DNER: variants seen among roughly 807,000 people sequenced by gnomAD.
DNER encodes delta/notch like EGF repeat containing.
In DNER, 33 loss-of-function variants were observed where a neutral mutation model predicts 78.2. That is an observed-to-expected ratio of 0.42 (90% confidence interval 0.32 to 0.56). The LOEUF is 0.56. Among genes scored for constraint, DNER ranks in the 20% least tolerant of loss-of-function variants. The probability of loss-of-function intolerance (pLI) is 0.11; values close to 1 mark genes in which losing one functional copy is unlikely to be tolerated. For missense variants in DNER, 918 were observed against 975.3 expected (o/e 0.94, Z 0.78); for synonymous variants, 417 against 384.8 (o/e 1.08, Z -0.98).
At chr2:229,607,224 C>A (rs980353818) in intron 1 of DNER, among the ~76,000 whole-genome samples, 1 of 152,124 alleles carries the variant, frequency 6.6e-6, no homozygotes. Context: ...AATTAACTGA[C>A]CTGATTAAAC....
chr2:229,434,952 G>GCACA (rs373238849), intron 8 of DNER, among the ~76,000 whole-genome samples: 2 of 145,076 alleles, frequency 1.4e-5, no homozygotes, highest in East Asian at 2.0e-4. Context: ...ACACACACGT[G>GCACA]CACACACACA....
intron 4 of DNER, among the ~76,000 whole-genome samples, chr2:229,549,340 C>G (rs925655989): frequency 2.6e-5 from 4 of 152,202 alleles, no homozygotes; most frequent in African/African-American, 9.7e-5. Context: ...GAGTCTCACT[C>G]TGTTGCCCAG....
intron 7 of DNER, among the ~76,000 whole-genome samples, chr2:229,458,815 A>T (rs1410414615): frequency 6.6e-6 from 1 of 151,986 alleles, no homozygotes; most frequent in African/African-American, 2.4e-5. Flanking sequence ...AAAGTGTAGA[A>T]AGGAAAATAA....
chr2:229,607,418 C>T (rs1235107204), intron 1 of DNER, among the ~76,000 whole-genome samples: 1 of 152,186 alleles, frequency 6.6e-6, no homozygotes, highest in Non-Finnish European at 1.5e-5. Context: ...CAGAAACTAA[C>T]TTGTTCACGG....
chr2:229,438,227 G>A lies in DNER; in HGVS notation c.1486+9089C>T, dbSNP rs114343892. ...TTCTCTGTGCTGGGAAGTAGGAAAC[G>A]TCTATTGGTCAAGTATCATCCATTG... On this transcript the variant is annotated intron_variant, in intron 8 of 12. Coordinates refer to ENST00000341772, the MANE Select transcript of DNER (RefSeq NM_139072.4). Among the ~76,000 whole-genome samples the A allele has an allele frequency of 3.3e-3, 496 of 152,324 alleles. 4 individuals are homozygous for A. Among genetic ancestry groups the A allele is most frequent in the African/African-American group, 0.011 (443 of 41,572 alleles).
At chr2:229,546,830 C>CAGACAGATAGATAGATAGATAGATAGAT (rs1408245684) in intron 5 of DNER, 117 bp downstream of exon 5, 55 of 1,214,854 alleles carry the variant, frequency 4.5e-5, no homozygotes, top group Middle Eastern at 4.5e-4. Flanking sequence ...GACAGACAGA[C>CAGACAGATAGATAGATAGATAGATAGAT]AGATAGATAG....
intron 1 of DNER, among the ~76,000 whole-genome samples, chr2:229,630,249 G>C (rs1217114888): frequency 6.6e-6 from 1 of 152,128 alleles, no homozygotes; most frequent in Non-Finnish European, 1.5e-5. Flanking sequence ...ACTGAGATGA[G>C]AGGATCACCG....
intron 4 of DNER, among the ~76,000 whole-genome samples, chr2:229,576,812 ACC>A (rs112939047): frequency 0.048 from 7,286 of 152,240 alleles, 241 homozygotes; most frequent in African/African-American, 0.088. Flanking sequence ...ACGGAGAAGA[ACC>A]AGTGGGAAAC....
At chr2:229,646,593 CACA>C (rs932042910) in intron 1 of DNER, among the ~76,000 whole-genome samples, 1 of 152,230 alleles carries the variant, frequency 6.6e-6, no homozygotes, top group Admixed American at 6.5e-5. Context: ...ATGCTCGTTA[CACA>C]ACATTACACT....
intron 9 of DNER, among the ~76,000 whole-genome samples, chr2:229,412,780 T>C (rs1401801816): frequency 6.6e-6 from 1 of 152,098 alleles, no homozygotes; most frequent in African/African-American, 2.4e-5. Context: ...CAAGGCGACG[T>C]GCAAGAGGGA....
chr2:229,405,065 G>A (rs1693351750), intron 10 of DNER, among the ~76,000 whole-genome samples: 2 of 152,086 alleles, frequency 1.3e-5, no homozygotes, highest in Non-Finnish European at 2.9e-5. Context: ...TTCAAATAAA[G>A]AAGAGTAAAG....
chr2:229,497,084 G>T (rs1250877680), intron 6 of DNER, among the ~76,000 whole-genome samples: 1 of 152,102 alleles, frequency 6.6e-6, no homozygotes, highest in Non-Finnish European at 1.5e-5. Context: ...TAAGAAGATT[G>T]AAATCACATC....
intron 5 of DNER, among the ~76,000 whole-genome samples, chr2:229,514,193 T>C (rs1559154121): frequency 6.6e-6 from 1 of 152,224 alleles, no homozygotes; most frequent in Non-Finnish European, 1.5e-5. Flanking sequence ...TGATACTTGC[T>C]AGTAATTATT....
intron 1 of DNER, among the ~76,000 whole-genome samples, chr2:229,614,630 C>T (rs1266777791): frequency 6.6e-6 from 1 of 152,168 alleles, no homozygotes; most frequent in Non-Finnish European, 1.5e-5. Context: ...TGGAGCTAGA[C>T]AGGGTTGTCT....
intron 6 of DNER, among the ~76,000 whole-genome samples, chr2:229,499,188 G>A (rs1384961594): frequency 6.6e-6 from 1 of 152,158 alleles, no homozygotes; most frequent in Non-Finnish European, 1.5e-5. Flanking sequence ...GCTCACACCT[G>A]TAATCCCAGC....
chr2:229,422,753 A>G (rs1693793637), intron 8 of DNER, among the ~76,000 whole-genome samples: 1 of 152,148 alleles, frequency 6.6e-6, no homozygotes, highest in African/African-American at 2.4e-5. Flanking sequence ...TGAAATTTTC[A>G]TTAAAGAAGA....
chr2:229,478,419 T>C (rs775519406), intron 6 of DNER, among the ~76,000 whole-genome samples: 1 of 152,220 alleles, frequency 6.6e-6, no homozygotes, highest in African/African-American at 2.4e-5. Flanking sequence ...AAATTACAGA[T>C]TGGGAATGTG....
chr2:229,660,900 T>C (rs369120889), intron 1 of DNER, among the ~76,000 whole-genome samples: 99 of 152,252 alleles, frequency 6.5e-4, no homozygotes, highest in African/African-American at 2.2e-3. Flanking sequence ...TGTTGAATGA[T>C]TGCAGCCCAT....
At chr2:229,400,557 A>G (rs1329866195) in intron 10 of DNER, among the ~76,000 whole-genome samples, 2 of 152,080 alleles carry the variant, frequency 1.3e-5, no homozygotes, top group African/African-American at 2.4e-5. Flanking sequence ...ATTAGCCACA[A>G]AACAAAAAAT....
Sources: gnomAD v4.1 joint callset for allele counts (sites outside exome capture counted in the v4.1 genomes callset) on GRCh38, gnomAD v4.1.1 for gene constraint, MANE v1.5 for transcripts, NCBI Gene and HGNC (gene_info 2026-07-23, HGNC 2026-07-21) for gene names.